MUC5B: variants seen among roughly 807,000 people sequenced by gnomAD.
MUC5B encodes the protein mucin-5B.
A neutral mutation model predicts 376.9 loss-of-function variants in MUC5B; 116 were observed. The ratio of observed to expected loss-of-function variants is 0.31; its 90% CI spans 0.26 to 0.36. MUC5B has a LOEUF of 0.36. Ranked by LOEUF, MUC5B falls within the 10% of genes least tolerant of loss-of-function variation. The pLI is 1.00. For synonymous variants in MUC5B, 3,517 were observed against 3,390.9 expected (o/e 1.04, Z -1.29); for missense variants, 7,165 against 7,769.9 (o/e 0.92, Z 2.93).
rs771348261 is a variant in MUC5B, at chr11:1,245,601, C to T, written c.8721C>T (p.Ala2907=). ...TYSNIRAAGG[A]VCEQPLGLEC... ...CCAACATCCGTGCGGCCGGAGGGGCCGTCTGTGAGCAGCCCCTGGGCCTCG... is the reference window on the plus strand; with the variant it reads ...CCAACATCCGTGCGGCCGGAGGGGCTGTCTGTGAGCAGCCCCTGGGCCTCG... Residue 2907 remains alanine (A), a synonymous_variant, in exon 31 of 49, where the codon GCC becomes GCT. Transcript: ENST00000529681. 20 of 1,585,644 alleles carry T rather than the reference C, an allele frequency of 1.3e-5. No individual in the cohort carries two copies. Among genetic ancestry groups the T allele is most frequent in the Middle Eastern group, 2.3e-4 (1 of 4,378 alleles).
At chr11:1,225,245 C>T (rs1035439378) in intron 1 of MUC5B, among the ~76,000 whole-genome samples, 6 of 152,278 alleles carry the variant, frequency 3.9e-5, no homozygotes, top group African/African-American at 1.4e-4. Flanking sequence ...CAAAGCTGGT[C>T]TTTGTCCTTC....
chr11:1,252,945 C>G lies in MUC5B; in HGVS notation c.15182C>G (p.Pro5061Arg). Residue 5061 changes from proline to arginine, a missense_variant, in exon 33 of 49, where the codon CCG becomes CGG. By Grantham distance (103) the Pro-to-Arg change is moderately radical. Transcript: ENST00000529681. The part of the protein sequence containing the change: ...NKHLPIKVSD[P>R]SQPCDFHYEC... ...CACCTGCCCATCAAAGTGTCGGACCCGAGCCAGCCCTGTGACTTCCACTAT... is the reference window on the plus strand; with the variant it reads ...CACCTGCCCATCAAAGTGTCGGACCGGAGCCAGCCCTGTGACTTCCACTAT... The G allele has an allele frequency of 1.2e-6, 2 of 1,612,654 alleles. No individual in the cohort carries two copies. The highest frequency in any genetic ancestry group is 1.1e-5 in the South Asian group (1 of 91,084).
In MUC5B at chr11:1,254,838, C is replaced by T. The variant is rs1397739943; in HGVS notation, c.15622C>T (p.Leu5208=). The change falls in exon 35 of 49, where the codon CTG becomes TTG. Residue 5208 remains leucine, a synonymous_variant. Transcript: ENST00000529681. The stretch of plus-strand genomic sequence containing the variant: ...CAATGGCCAAGTCTTCCAGGCCCGG[C>T]TGCCCTACAGCCTCTTCCACAACAA... ...TFNGQVFQAR[L]PYSLFHNNTE... The T allele has an allele frequency of 2.5e-6, 4 of 1,612,382 alleles. No individual in the cohort carries two copies. The Admixed American group carries it at 5.0e-5, about 20-fold the overall frequency.
chr11:1,246,099 C>A lies in MUC5B; in HGVS notation c.9219C>A (p.Thr3073=), dbSNP rs370975937. ...ATSFTPIPSF[T]LGTTGTLPEQ... is the part of the protein sequence containing the mutation. ...GCTTTACACCCATCCCCTCCTTCAC[C>A]CTTGGGACCACCGGGACCCTCCCAG... is the stretch of plus-strand genomic sequence containing the variant. Residue 3073 remains threonine, a synonymous_variant, in exon 31 of 49, where the codon ACC becomes ACA. Coordinates refer to ENST00000529681, the MANE Select transcript of MUC5B (RefSeq NM_002458.3). 1.9e-6 allele frequency: 3 copies of A among 1,612,972 alleles called. No individual in the cohort carries two copies. The highest frequency in any genetic ancestry group is 1.1e-5 in the South Asian group (1 of 91,010).
intron 1 of MUC5B, 81 bp from the exon 2 acceptor site, chr11:1,225,600 G>A: frequency 7.6e-7 from 1 of 1,308,068 alleles, no homozygotes; most frequent in Non-Finnish European, 1.1e-6. Context: ...CCGCACCAGG[G>A]ATGTGGCCAG....
In MUC5B at chr11:1,261,438, G is replaced by T; in HGVS notation, c.17119G>T (p.Glu5707Ter). 6.5e-7 allele frequency: 1 copy of T among 1,547,072 alleles called. No individual in the cohort carries two copies. The change falls in exon 49 of 49, where the codon GAG becomes TAG. Residue 5707 changes from glutamate to a stop codon, truncating the protein, a stop_gained. Coordinates refer to ENST00000529681, the MANE Select transcript of MUC5B (RefSeq NM_002458.3). LOFTEE classifies it low-confidence loss of function (END_TRUNC). The stretch of plus-strand genomic sequence containing the variant: ...GCAGCACCAGTGCACCTGCTGCCAG[G>T]AGAGGCGGGTCCACGAGGAGACGGT... Reference protein sequence around the residue: ...AMQHQCTCCQERRVHEETVPL... With the variant: ...AMQHQCTCCQ
rs61732932 is a variant in MUC5B, at chr11:1,242,165, C to A, written c.5285C>A (p.Thr1762Lys). 1.2e-6 allele frequency: 2 copies of A among 1,613,428 alleles called. No homozygotes were observed. The highest frequency in any genetic ancestry group is 1.3e-5 in the African/African-American group (1 of 74,912). Reference sequence around the variant, plus strand: ...TCCACCTCTCAGGCCGAGACCAGCACGCCCAGGACAGAGACGACAATGAGC... The same window carrying A: ...TCCACCTCTCAGGCCGAGACCAGCAAGCCCAGGACAGAGACGACAATGAGC... Reference protein sequence around the residue: ...ELSTSQAETSTPRTETTMSPL... With the variant: ...ELSTSQAETSKPRTETTMSPL... Residue 1762 changes from threonine (T) to lysine (K), a missense_variant, in exon 31 of 49, where the codon ACG becomes AAG. Transcript: ENST00000529681.
Position 1,248,766 on chromosome 11 carries a change from C to T in MUC5B, c.11886C>T (p.Asn3962=). The part of the protein sequence containing the change: ...TTITATGSTT[N]PSSTPGTTPI... Reference sequence around the variant, plus strand: ...TCACGGCCACCGGCTCCACCACCAACCCCTCCTCAACTCCAGGGACAACAC... The same window carrying T: ...TCACGGCCACCGGCTCCACCACCAATCCCTCCTCAACTCCAGGGACAACAC... The change falls in exon 31 of 49, where the codon AAC becomes AAT. Residue 3962 remains asparagine, a synonymous_variant. Coordinates refer to ENST00000529681, the MANE Select transcript of MUC5B (RefSeq NM_002458.3). 1 of 1,551,602 alleles carries T rather than the reference C, an allele frequency of 6.4e-7. No homozygotes were observed. The highest frequency in any genetic ancestry group is 8.7e-7 in the Non-Finnish European group (1 of 1,146,970).
chr11:1,233,964 GTCCTCACCTGGGCTC>G, intron 19 of MUC5B, 116 bp downstream of exon 19: 1 of 1,096,290 alleles, frequency 9.1e-7, no homozygotes, highest in East Asian at 2.6e-5. Context: ...GGCCAGGTCA[GTCCTCACCTGGGCTC>G]TGCCACAGGC....
At position 1,256,731 on chromosome 11, in the gene MUC5B, C is replaced by T. The variant is rs1035844558; in HGVS notation, c.16197C>T (p.Ile5399=). The change falls in exon 39 of 49, where the codon ATC becomes ATT. Residue 5399 remains isoleucine (I), a synonymous_variant. Transcript: ENST00000529681. ...GCTGCTTCTGCCCTGAGGACCAGAT[C>T]CTCTTCAACGCACACATGGGCATCT... ...AEGCFCPEDQ[I]LFNAHMGICV... 1.9e-6 allele frequency: 3 copies of T among 1,556,994 alleles called. No individual in the cohort carries two copies. The highest frequency in any genetic ancestry group is 2.6e-6 in the Non-Finnish European group (3 of 1,153,280).
rs986589259 is a variant in MUC5B at position 1,258,170 on chromosome 11, G to C, written c.16522G>C (p.Glu5508Gln). The C allele has an allele frequency of 2.5e-6, 4 of 1,601,024 alleles. No individual in the cohort carries two copies. The African/African-American group carries it at 5.4e-5, about 21-fold the overall frequency. Residue 5508 changes from glutamate (E) to glutamine (Q), a missense_variant, in exon 42 of 49, where the codon GAG (glutamate) becomes CAG (glutamine). Physicochemically the swap from Glu to Gln is conservative, Grantham distance 29 (BLOSUM62 2). Around this residue, in one of 31 missense-constraint regions of MUC5B, gnomAD observed 842 missense variants for 1,016.9 expected, o/e 0.83. Transcript: ENST00000529681. The surrounding 1 kb of genome is among the most constrained non-coding windows in gnomAD (Gnocchi z 5.5). ...PPGQESICTQ[E>Q]EGDCCPTFRC... ...AGGGCAGGAGTCCATCTGCACCCAG[G>C]AGGAGGGCGACTGCTGTCCCACCTT...
At position 1,234,587 on chromosome 11, in the gene MUC5B, G is replaced by C; in HGVS notation, c.2537G>C (p.Ser846Thr). 6.3e-7 allele frequency: 1 copy of C among 1,576,624 alleles called. No individual in the cohort carries two copies. The change falls in exon 21 of 49, where the codon AGT (serine) becomes ACT (threonine). Residue 846 changes from serine to threonine, a missense_variant. By Grantham distance (58) the Ser-to-Thr change is moderately conservative. This residue lies in a region of MUC5B where 530 missense variants were observed against 604.0 expected (regional missense o/e 0.88). Coordinates refer to ENST00000529681, the MANE Select transcript of MUC5B (RefSeq NM_002458.3). This position sits in a 1 kb window ranked among gnomAD's most constrained non-coding sequence, Gnocchi z 6.3. ...VCPPGLVSDG[S>T]GGCIAEEDCP... is the part of the protein sequence containing the mutation. ...CCCCCGGGGCTGGTGTCGGATGGGA[G>C]TGGGGGCTGCATTGCCGAGGAGGAC...
At chr11:1,233,688 G>A (rs1280104894) in intron 18 of MUC5B, 105 bp from the exon 19 acceptor site, 1 of 1,122,584 alleles carries the variant, frequency 8.9e-7, no homozygotes, top group South Asian at 1.3e-5. Context: ...ACAAGGAGGT[G>A]GCCAGGCTGG....
At chr11:1,259,386 A>G in intron 44 of MUC5B, 1 of 484,682 alleles carries the variant, frequency 2.1e-6, no homozygotes, top group Admixed American at 3.5e-5. Flanking sequence ...CCCAGCCCTG[A>G]GTCACTTATC....
Position 1,262,064 on chromosome 11 carries a change from G to A in MUC5B, c.*456G>A, listed in dbSNP as rs553451763. ...GCCGCCTGTCCATGCCTGCTGCAGG[G>A]TAACTCAGGGCTGAGGTCGCAACGG... On this transcript the variant is annotated 3_prime_UTR_variant, in exon 49 of 49. Coordinates refer to ENST00000529681, the MANE Select transcript of MUC5B (RefSeq NM_002458.3). The A allele has an allele frequency of 1.9e-6, 1 of 530,378 alleles. No homozygotes were observed. The allele number at this position is 530,378 out of a possible 1,614,324, so 32.9% of individuals were successfully genotyped here. A position where few individuals can be genotyped will look rare whatever the true frequency, so the allele number is the denominator to read the frequency against.
In MUC5B at chr11:1,256,102, G is replaced by A. The variant is rs532977527; in HGVS notation, c.16067-54G>A. On this transcript the variant is annotated intron_variant, in intron 37 of 48. Transcript: ENST00000529681. ...AGTGTCCTGTGCGGTGATTGGGGGCGGCCCTGGGCCCCCCCAACCCCTTGG... is the reference window on the plus strand; with the variant it reads ...AGTGTCCTGTGCGGTGATTGGGGGCAGCCCTGGGCCCCCCCAACCCCTTGG... 4.3e-5 allele frequency: 30 copies of A among 704,404 alleles called. 1 individual carries two copies. In the Middle Eastern group the frequency reaches 2.1e-3, roughly 49 times the overall value. 43.6% of individuals were successfully genotyped at this position (704,404 alleles called of 1,614,324 possible).
chr11:1,230,725 G>A, intron 12 of MUC5B, 125 bp downstream of exon 12: 3 of 955,692 alleles, frequency 3.1e-6, no homozygotes, highest in Non-Finnish European at 4.7e-6. Flanking sequence ...CCCAGGCCAG[G>A]TCCCCCTCCA....
At chr11:1,238,406 C>T (rs1000865973) in intron 25 of MUC5B, among the ~76,000 whole-genome samples, 7 of 151,572 alleles carry the variant, frequency 4.6e-5, no homozygotes, top group African/African-American at 9.7e-5. Flanking sequence ...GGGTTGGTTC[C>T]GCTGGAGGGA....
At position 1,253,012 on chromosome 11, in the gene MUC5B, GGGGGCA is replaced by G; in HGVS notation, c.15217+35_15217+40del. 6.2e-7 allele frequency: 1 copy of G among 1,610,940 alleles called. No homozygotes were observed. The highest frequency in any genetic ancestry group is 8.5e-7 in the Non-Finnish European group (1 of 1,179,122). On this transcript the variant is annotated intron_variant, in intron 33 of 48. Transcript: ENST00000529681. The surrounding 1 kb of genome is among the most constrained non-coding windows in gnomAD (Gnocchi z 4.3). Reference sequence around the variant, plus strand: ...GCGTCGGTGGCCGCGGGATTACCCCGGGGGCAGGTGGAGCAGAGTGCACCGTCGGCT... The same window carrying G: ...GCGTCGGTGGCCGCGGGATTACCCCGGGTGGAGCAGAGTGCACCGTCGGCT...
Sources: gnomAD v4.1 joint callset for allele counts (sites outside exome capture counted in the v4.1 genomes callset) on GRCh38, gnomAD v4.1.1 for gene constraint, gnomAD v4.1.1 regional missense constraint, Gnocchi (gnomAD v3.1) non-coding constraint, MANE v1.5 for transcripts, NCBI Gene and HGNC (gene_info 2026-07-23, HGNC 2026-07-21) for gene names.